SCLT1: variants seen among roughly 807,000 people sequenced by gnomAD.
SCLT1 encodes the protein sodium channel-associated protein 1.
A neutral mutation model predicts 112.8 loss-of-function variants in SCLT1; 78 were observed. That is an observed-to-expected ratio of 0.69 (90% CI 0.58 to 0.83). The LOEUF (loss-of-function observed/expected upper bound fraction) is 0.83. Ranked by LOEUF, SCLT1 falls within the 40% of genes least tolerant of loss-of-function variation. The probability of loss-of-function intolerance (pLI) is 0.00; values close to 1 mark genes in which losing one functional copy is unlikely to be tolerated. For missense variants in SCLT1, 747 were observed against 770.4 expected, an observed-to-expected ratio of 0.97 and a Z score of 0.36; for synonymous variants, 257 against 254.7, an observed-to-expected ratio of 1.01 and a Z score of -0.09.
Position 129,039,045 on chromosome 4 carries a change from C to T in SCLT1, c.286G>A (p.Glu96Lys), listed in dbSNP as rs745457179. 1 of 1,547,626 alleles carries T rather than the reference C, an allele frequency of 6.5e-7. No homozygotes were observed. Among genetic ancestry groups the T allele is most frequent in the African/African-American group, 1.4e-5 (1 of 73,666 alleles). The change falls in exon 5 of 21, where the codon GAA becomes AAA. Residue 96 changes from glutamate to lysine, a missense_variant. Coordinates refer to ENST00000281142, the MANE Select transcript of SCLT1 (RefSeq NM_144643.4). Reference sequence around the variant, plus strand: ...ACCAATAGTTAATTGATTTACCTTTCATTTTCCTTGATGACATTTTCAAGT... The same window carrying T: ...ACCAATAGTTAATTGATTTACCTTTTATTTTCCTTGATGACATTTTCAAGT... ...LQLENVIKEN[E>K]RLHSELKDAV...
intron 5 of SCLT1, among the ~76,000 whole-genome samples, chr4:129,027,612 G>A (rs1746242240): frequency 6.6e-6 from 1 of 152,024 alleles, no homozygotes; most frequent in Non-Finnish European, 1.5e-5. Flanking sequence ...TTTGAAAACT[G>A]GCACAAGACA....
intron 18 of SCLT1, among the ~76,000 whole-genome samples, chr4:128,892,968 A>C (rs1733444108): frequency 6.6e-6 from 1 of 152,168 alleles, no homozygotes; most frequent in Admixed American, 6.6e-5. Context: ...CGACAACATA[A>C]GAAAAAAAAC....
chr4:129,057,406 ATTCT>A (rs1749505895), intron 2 of SCLT1, among the ~76,000 whole-genome samples: 1 of 138,752 alleles, frequency 7.2e-6, no homozygotes, highest in Non-Finnish European at 1.6e-5. Context: ...AATTAATATT[ATTCT>A]TTTTTTTTTT....
intron 9 of SCLT1, among the ~76,000 whole-genome samples, chr4:128,972,786 T>C (rs1243960852): frequency 5.9e-5 from 9 of 152,206 alleles, no homozygotes; most frequent in Admixed American, 5.9e-4. Context: ...ACTGATGGTC[T>C]CCTCTTTTGT....
chr4:128,967,925 G>C (rs1193808939), intron 10 of SCLT1, among the ~76,000 whole-genome samples: 3 of 152,098 alleles, frequency 2.0e-5, no homozygotes, highest in African/African-American at 7.2e-5. Context: ...ATCTTTGCCA[G>C]GGCCTATGTC....
intron 13 of SCLT1, 78 bp downstream of exon 13, chr4:128,956,948 T>A (rs2126009843): frequency 1.3e-6 from 1 of 746,254 alleles, no homozygotes; most frequent in African/African-American, 1.8e-5. Context: ...TTAATTTTAA[T>A]TTACAAATAT....
In SCLT1 at chr4:128,999,635, T is replaced by C. The variant is rs375889310; in HGVS notation, c.549+37A>G. ...ACAGTTTCTTCAGAGTGCAATTTCT[T>C]ATTGATATACAAGAAAATGATGAAA... is the stretch of plus-strand genomic sequence containing the variant. On this transcript the variant is annotated intron_variant, in intron 7 of 20. Coordinates refer to ENST00000281142, the MANE Select transcript of SCLT1 (RefSeq NM_144643.4). 1,062 of 1,554,754 alleles carry C rather than the reference T, an allele frequency of 6.8e-4. 15 individuals carry two copies. In the South Asian group the frequency reaches 0.011, roughly 17 times the overall value.
At chr4:129,005,446 C>T (rs987964983) in intron 5 of SCLT1, among the ~76,000 whole-genome samples, 2 of 152,054 alleles carry the variant, frequency 1.3e-5, no homozygotes, top group Admixed American at 1.3e-4. Context: ...CAGAGAAATG[C>T]AAATCAAAAC....
chr4:128,957,775 T>C (rs891085221), intron 12 of SCLT1, among the ~76,000 whole-genome samples: 4 of 152,198 alleles, frequency 2.6e-5, no homozygotes, highest in African/African-American at 9.6e-5. Context: ...ATATTGATTA[T>C]CTATAAGTAA....
Position 128,884,466 on chromosome 4 carries a change from T to G in SCLT1, c.*11A>C. On this transcript the variant is annotated 3_prime_UTR_variant, in exon 21 of 21. Transcript: ENST00000281142. ...CAACTCTAAAGTTCTGTGAGTGAAC[T>G]ATGAATATTTTTAAATATTTTCCAG... The G allele has an allele frequency of 1.3e-6, 2 of 1,549,030 alleles. No homozygotes were observed. The highest frequency in any genetic ancestry group is 2.7e-5 in the African/African-American group (2 of 73,814).
chr4:128,956,814 T>C (rs1042089976), intron 13 of SCLT1, among the ~76,000 whole-genome samples: 1 of 152,070 alleles, frequency 6.6e-6, no homozygotes, highest in East Asian at 1.9e-4. Context: ...ATACAGTATA[T>C]CCCACTATCC....
chr4:128,912,307 G>A (rs1426488700), intron 18 of SCLT1, among the ~76,000 whole-genome samples: 1 of 152,140 alleles, frequency 6.6e-6, no homozygotes, highest in African/African-American at 2.4e-5. Flanking sequence ...AGATATGGAA[G>A]TACCATCTAG....
intron 20 of SCLT1, 134 bp downstream of exon 20, chr4:128,888,545 C>G: frequency 1.9e-6 from 1 of 524,280 alleles, no homozygotes. Flanking sequence ...TTTACTTTTT[C>G]AACCTCACAT....
intron 18 of SCLT1, among the ~76,000 whole-genome samples, chr4:128,897,859 C>CA (rs1733913089): frequency 6.6e-6 from 1 of 151,998 alleles, no homozygotes; most frequent in South Asian, 2.1e-4. Flanking sequence ...CACAAAAAGG[C>CA]AGGGGTTGCA....
chr4:128,968,157 A>AT (rs1740373495), intron 10 of SCLT1, among the ~76,000 whole-genome samples: 1 of 151,810 alleles, frequency 6.6e-6, no homozygotes, highest in African/African-American at 2.4e-5. Flanking sequence ...TATTTCTTTA[A>AT]TTTTTTTCTG....
chr4:128,915,095 A>G (rs1171506973), intron 18 of SCLT1, among the ~76,000 whole-genome samples: 1 of 152,148 alleles, frequency 6.6e-6, no homozygotes, highest in African/African-American at 2.4e-5. Context: ...AATTACCTGT[A>G]AACATTTAAA....
intron 2 of SCLT1, among the ~76,000 whole-genome samples, chr4:129,075,565 T>G (rs549769791): frequency 6.6e-6 from 1 of 152,252 alleles, no homozygotes; most frequent in South Asian, 2.1e-4. Flanking sequence ...ACTATTTAAA[T>G]CTAAATTTTA....
intron 8 of SCLT1, among the ~76,000 whole-genome samples, chr4:128,994,674 G>C (rs1352974586): frequency 6.6e-6 from 1 of 151,966 alleles, no homozygotes; most frequent in Non-Finnish European, 1.5e-5. Flanking sequence ...TCTTCAACAC[G>C]TGTTGTCTTT....
intron 2 of SCLT1, among the ~76,000 whole-genome samples, chr4:129,079,511 C>T (rs1017216927): frequency 6.6e-6 from 1 of 152,210 alleles, no homozygotes; most frequent in Non-Finnish European, 1.5e-5. Flanking sequence ...GACTCCATGT[C>T]TCACATCTAG....
Sources: gnomAD v4.1 joint callset for allele counts (sites outside exome capture counted in the v4.1 genomes callset) on GRCh38, gnomAD v4.1.1 for gene constraint, MANE v1.5 for transcripts, NCBI Gene and HGNC (gene_info 2026-07-23, HGNC 2026-07-21) for gene names.